KCNMA1: variants seen among roughly 807,000 people sequenced by gnomAD.
KCNMA1 encodes the protein potassium calcium-activated channel subfamily M alpha 1, also known as Calcium-activated potassium channel subunit alpha-1.
In KCNMA1, 29 loss-of-function variants were observed where a neutral mutation model predicts 140.0. That is an observed-to-expected ratio of 0.21 (90% CI 0.15 to 0.28). The LOEUF is 0.28. Among genes scored for constraint, KCNMA1 ranks in the 10% least tolerant of loss-of-function variants. KCNMA1 has a pLI of 1.00. For missense variants in KCNMA1, 880 were observed against 1,602.2 expected (o/e 0.55, Z 7.70); for synonymous variants, 612 against 611.9 (o/e 1.00, Z 0.00).
chr10:77,225,305 G>T (rs1220216962), intron 3 of KCNMA1, among the ~76,000 whole-genome samples: 1 of 152,100 alleles, frequency 6.6e-6, no homozygotes, highest in Non-Finnish European at 1.5e-5. Flanking sequence ...ATTTCCTCTT[G>T]GGCTTCAGTC....
At chr10:77,220,537 C>G (rs1254676542) in intron 3 of KCNMA1, among the ~76,000 whole-genome samples, 2 of 152,126 alleles carry the variant, frequency 1.3e-5, no homozygotes, top group Non-Finnish European at 2.9e-5. Flanking sequence ...TCTAGGAGAG[C>G]AGATAAGTGA....
At chr10:77,537,092 G>A (rs975937335) in intron 1 of KCNMA1, among the ~76,000 whole-genome samples, 1 of 152,132 alleles carries the variant, frequency 6.6e-6, no homozygotes, top group Non-Finnish European at 1.5e-5. Flanking sequence ...CTAAACACGG[G>A]ACATCACCAG....
At chr10:77,186,974 G>A (rs999478176) in intron 3 of KCNMA1, among the ~76,000 whole-genome samples, 1 of 151,940 alleles carries the variant, frequency 6.6e-6, no homozygotes. Context: ...AAAAGGGCTT[G>A]GTTTCCAAGA....
chr10:77,132,740 C>T (rs2097892588), intron 5 of KCNMA1, among the ~76,000 whole-genome samples: 3 of 152,142 alleles, frequency 2.0e-5, no homozygotes, highest in African/African-American at 7.2e-5. Context: ...CACAATTCTC[C>T]TGGCTTCACT....
At chr10:76,878,104 G>A (rs1346966487) in intron 29 of KCNMA1, among the ~76,000 whole-genome samples, 1 of 152,148 alleles carries the variant, frequency 6.6e-6, no homozygotes, top group Non-Finnish European at 1.5e-5. Flanking sequence ...TGAACAAAAT[G>A]TGCCACTGGG....
intron 2 of KCNMA1, among the ~76,000 whole-genome samples, chr10:77,338,703 C>T (rs1283132238): frequency 6.6e-6 from 1 of 152,200 alleles, no homozygotes; most frequent in African/African-American, 2.4e-5. Context: ...TTCATCTGGG[C>T]AGGTTGGATC....
At chr10:76,928,307 ACACG>A (rs67505089) in intron 23 of KCNMA1, among the ~76,000 whole-genome samples, 56,785 of 133,410 alleles carry the variant, frequency 0.43, 13,576 homozygotes, top group Non-Finnish European at 0.57. Flanking sequence ...ACACACACAC[ACACG>A]CACATACACA....
chr10:77,463,461 G>C (rs1452888538), intron 1 of KCNMA1, among the ~76,000 whole-genome samples: 1 of 100,016 alleles, frequency 1.0e-5, no homozygotes, highest in East Asian at 3.3e-4. Flanking sequence ...ACCAAGGAGA[G>C]GGGCAACTCA....
intron 5 of KCNMA1, among the ~76,000 whole-genome samples, chr10:77,182,001 T>A (rs898702953): frequency 7.2e-5 from 11 of 152,256 alleles, no homozygotes; most frequent in South Asian, 2.1e-4. Flanking sequence ...GCTTATTTTT[T>A]AAAAAAATAC....
intron 1 of KCNMA1, among the ~76,000 whole-genome samples, chr10:77,488,890 T>C (rs547094740): frequency 6.6e-6 from 1 of 152,324 alleles, no homozygotes; most frequent in Admixed American, 6.5e-5. Context: ...ATTCTCCTGT[T>C]ATAAAAAGGG....
chr10:77,523,629 T>C (rs1341672313), intron 1 of KCNMA1, among the ~76,000 whole-genome samples: 1 of 152,280 alleles, frequency 6.6e-6, no homozygotes, highest in African/African-American at 2.4e-5. Context: ...CAGCTATGTT[T>C]CTTGATTTGG....
At chr10:77,618,140 CCCT>C (rs1375348552) in intron 1 of KCNMA1, among the ~76,000 whole-genome samples, 2 of 152,154 alleles carry the variant, frequency 1.3e-5, no homozygotes, top group Non-Finnish European at 2.9e-5. Context: ...CTTCAGGGGC[CCCT>C]AGAAGATTTC....
At chr10:77,446,855 A>T (rs2097538219) in intron 1 of KCNMA1, among the ~76,000 whole-genome samples, 1 of 152,200 alleles carries the variant, frequency 6.6e-6, no homozygotes, top group South Asian at 2.1e-4. Context: ...ACTTCCTTAC[A>T]AAGTCCTCTC....
In KCNMA1 at chr10:76,953,515, G is replaced by A. The variant is rs1176033572; in HGVS notation, c.2484+286C>T. Among the ~76,000 whole-genome samples, 4 of 152,238 alleles carry A rather than the reference G, an allele frequency of 2.6e-5. No individual in the cohort carries two copies. The East Asian group carries it at 5.8e-4, about 22-fold the overall frequency. ...AGGCAGGCTCTGACACCAGCGCCAT[G>A]GCCACAGGAATTATGTTCATACCAC... On this transcript the variant is annotated intron_variant, in intron 21 of 27. Transcript: ENST00000286628.
intron 15 of KCNMA1, among the ~76,000 whole-genome samples, chr10:77,037,982 C>A (rs1185420669): frequency 6.6e-6 from 1 of 152,166 alleles, no homozygotes; most frequent in Non-Finnish European, 1.5e-5. Flanking sequence ...CACAATAGGG[C>A]ATCCATTTTC....
rs1567447288 is a variant in KCNMA1 at position 77,544,160 on chromosome 10, G to GTGTT, written c.378+93104_378+93105insAACA. ...TACATATCTTTCCAGCTGTGTGTGTGTGTGTGTGTGTGTGTGTGTGTGTGT... is the reference window on the plus strand; with the variant it reads ...TACATATCTTTCCAGCTGTGTGTGTGTGTTTGTGTGTGTGTGTGTGTGTGTGTGT... On this transcript the variant is annotated intron_variant, in intron 1 of 27. Transcript: ENST00000286628. Among the ~76,000 whole-genome samples the GTGTT allele has an allele frequency of 8.7e-5, 13 of 150,232 alleles. 1 individual carries two copies. The highest frequency in any genetic ancestry group is 1.9e-4 in the Non-Finnish European group (13 of 67,722).
At position 77,344,739 on chromosome 10, in the gene KCNMA1, G is replaced by A. The variant is rs1348456802; in HGVS notation, c.540+59123C>T. On this transcript the variant is annotated intron_variant, in intron 2 of 27. Transcript: ENST00000286628. ...ACTCACTCCACAATCATCTTCTCTTGTTTCCTGCATCACTCATCACTACCT... is the reference window on the plus strand; with the variant it reads ...ACTCACTCCACAATCATCTTCTCTTATTTCCTGCATCACTCATCACTACCT... 3.3e-5 allele frequency among the ~76,000 whole-genome samples: 5 copies of A among 151,976 alleles called. No homozygotes were observed. The East Asian group carries it at 5.8e-4, about 18-fold the overall frequency.
chr10:77,398,719 C>CTGCCAT (rs1182571495), intron 2 of KCNMA1, among the ~76,000 whole-genome samples: 3 of 152,194 alleles, frequency 2.0e-5, no homozygotes, highest in Non-Finnish European at 4.4e-5. Flanking sequence ...AGAGTTGAGT[C>CTGCCAT]GTGGAGCCCA....
chr10:77,393,822 C>A (rs1029534716), intron 2 of KCNMA1, among the ~76,000 whole-genome samples: 2 of 152,246 alleles, frequency 1.3e-5, no homozygotes, highest in African/African-American at 4.8e-5. Flanking sequence ...GATGCACTGA[C>A]AAAGGGGCAG....
Sources: allele counts gnomAD v4.1 joint callset (sites outside exome capture counted in the v4.1 genomes callset), GRCh38; gene constraint gnomAD v4.1.1; transcripts MANE v1.5; gene names NCBI Gene and HGNC (gene_info 2026-07-23, HGNC 2026-07-21).